MCC: variants seen among roughly 807,000 people sequenced by gnomAD.
MCC encodes MCC regulator of Wnt signaling pathway, also known as colorectal mutant cancer protein.
A neutral mutation model predicts 116.2 loss-of-function variants in MCC; 90 were observed. The ratio of observed to expected loss-of-function variants is 0.77; its 90% CI spans 0.65 to 0.92. The LOEUF (loss-of-function observed/expected upper bound fraction) is 0.92, where lower values mean the gene tolerates loss of function less well. MCC is among the 40% of genes least tolerant of loss of function. The pLI, the probability that MCC is intolerant of heterozygous loss-of-function variation, is 0.00. For missense variants in MCC, 1,516 were observed against 1,312.2 expected (o/e 1.16, Z -2.40); for synonymous variants, 578 against 510.5 (o/e 1.13, Z -1.78).
chr5:113,294,262 G>T, intron 3 of MCC: 1 of 1,608,818 alleles, frequency 6.2e-7, no homozygotes, highest in South Asian at 1.1e-5. Flanking sequence ...GGAGGTCGAG[G>T]GGAGGGGGAT....
chr5:113,294,657 G>A (rs1766652526), intron 3 of MCC: 1 of 1,083,542 alleles, frequency 9.2e-7, no homozygotes, highest in Non-Finnish European at 1.1e-6. Context: ...CCCGCGCGGG[G>A]ACCCTCCCGC....
chr5:113,194,849 T>C (rs972176555), intron 3 of MCC, among the ~76,000 whole-genome samples: 3 of 152,112 alleles, frequency 2.0e-5, no homozygotes, highest in African/African-American at 7.2e-5. Context: ...AATCTAGATG[T>C]AGTGTACAAA....
intron 5 of MCC, among the ~76,000 whole-genome samples, chr5:113,130,468 G>C (rs966604951): frequency 2.0e-5 from 3 of 151,944 alleles, no homozygotes; most frequent in African/African-American, 7.3e-5. Context: ...CCAGAACTTA[G>C]GTATAATTAA....
intron 1 of MCC, among the ~76,000 whole-genome samples, chr5:113,416,325 A>G (rs1269245167): frequency 1.3e-5 from 2 of 152,210 alleles, no homozygotes; most frequent in Non-Finnish European, 2.9e-5. Flanking sequence ...AGACTGAAAC[A>G]GGAGGATTGC....
chr5:113,252,812 C>A (rs180671163), intron 3 of MCC, among the ~76,000 whole-genome samples: 5 of 152,270 alleles, frequency 3.3e-5, no homozygotes, highest in Non-Finnish European at 7.4e-5. Context: ...CCACCTCACT[C>A]CAAACCTAGT....
At chr5:113,175,462 T>A (rs1478085461) in intron 3 of MCC, among the ~76,000 whole-genome samples, 1 of 152,196 alleles carries the variant, frequency 6.6e-6, no homozygotes, top group Non-Finnish European at 1.5e-5. Context: ...AAGACTAAGT[T>A]AATTTAGCTA....
intron 1 of MCC, among the ~76,000 whole-genome samples, chr5:113,460,007 C>T (rs1771702258): frequency 6.6e-6 from 1 of 152,064 alleles, no homozygotes; most frequent in Non-Finnish European, 1.5e-5. Flanking sequence ...TCAGTGAAAG[C>T]TGAGAAAAAG....
chr5:113,360,568 T>C (rs1051329151), intron 2 of MCC, among the ~76,000 whole-genome samples: 8 of 152,204 alleles, frequency 5.3e-5, no homozygotes, highest in Non-Finnish European at 1.2e-4. Context: ...GAATTTTCTT[T>C]GTGGAAAGAT....
At chr5:113,250,658 T>C (rs897262691) in intron 3 of MCC, among the ~76,000 whole-genome samples, 2 of 152,200 alleles carry the variant, frequency 1.3e-5, no homozygotes, top group Non-Finnish European at 2.9e-5. Flanking sequence ...GAGGAGTGCA[T>C]GGAACTGTTT....
At chr5:113,148,032 G>A (rs1373923798) in intron 4 of MCC, among the ~76,000 whole-genome samples, 1 of 152,194 alleles carries the variant, frequency 6.6e-6, no homozygotes, top group South Asian at 2.1e-4. Flanking sequence ...GGGTTCATAA[G>A]CTTGTTTGAC....
intron 1 of MCC, among the ~76,000 whole-genome samples, chr5:113,419,498 T>C (rs928586899): frequency 6.6e-5 from 10 of 151,932 alleles, no homozygotes; most frequent in African/African-American, 1.9e-4. Flanking sequence ...TACCCCGTTG[T>C]GATAGGAACA....
intron 17 of MCC, among the ~76,000 whole-genome samples, chr5:113,033,339 G>A (rs899879376): frequency 1.3e-5 from 2 of 152,194 alleles, no homozygotes; most frequent in Admixed American, 6.5e-5. Context: ...TCCTGGAACT[G>A]ACTTTCTGAA....
chr5:113,372,832 T>C (rs13359330), intron 2 of MCC, among the ~76,000 whole-genome samples: 67,309 of 151,874 alleles, frequency 0.44, 16,364 homozygotes, highest in African/African-American at 0.64. Flanking sequence ...GATGGGATTA[T>C]AAGCATGAGC....
chr5:113,233,205 T>C (rs538899513), intron 3 of MCC, among the ~76,000 whole-genome samples: 31 of 152,278 alleles, frequency 2.0e-4, no homozygotes, highest in African/African-American at 7.5e-4. Context: ...TGGAACCAAA[T>C]GGAATATTTA....
At chr5:113,225,358 CATTTAGA>C (rs1763694650) in intron 3 of MCC, among the ~76,000 whole-genome samples, 1 of 152,194 alleles carries the variant, frequency 6.6e-6, no homozygotes, top group Non-Finnish European at 1.5e-5. Context: ...ATTCTGCCAC[CATTTAGA>C]ATTGCTCTAC....
rs771532776 is a variant in MCC, at chr5:113,049,192, C to T, written c.2556G>A (p.Val852=). The T allele has an allele frequency of 2.5e-6, 4 of 1,614,084 alleles. No homozygotes were observed. The East Asian group carries it at 8.9e-5, about 36-fold the overall frequency. Residue 852 remains valine, a synonymous_variant, in exon 16 of 19, where the codon GTG becomes GTA. Transcript: ENST00000408903. The stretch of plus-strand genomic sequence containing the variant: ...CCTCGGACTTCAGGTGCTCAATGTG[C>T]ACCAGGTAGGCCTGCTCCTGGGCCT... ...TREAQEQAYL[V]HIEHLKSEVE...
chr5:113,029,381 T>C (rs1377331294), intron 17 of MCC, among the ~76,000 whole-genome samples: 1 of 150,390 alleles, frequency 6.6e-6, no homozygotes, highest in Non-Finnish European at 1.5e-5. Flanking sequence ...TCCTCAGCAA[T>C]GAGTGCGGCC....
At chr5:113,214,422 G>A (rs1462190667) in intron 3 of MCC, among the ~76,000 whole-genome samples, 4 of 152,090 alleles carry the variant, frequency 2.6e-5, no homozygotes, top group Non-Finnish European at 4.4e-5. Flanking sequence ...TCCTATACTG[G>A]GTGCCATGGA....
intron 11 of MCC, among the ~76,000 whole-genome samples, chr5:113,076,841 A>C (rs934051175): frequency 6.6e-6 from 1 of 152,238 alleles, no homozygotes; most frequent in African/African-American, 2.4e-5. Flanking sequence ...TAAATGTTTC[A>C]ATTAAAAGAC....
Sources: allele counts gnomAD v4.1 joint callset (sites outside exome capture counted in the v4.1 genomes callset), GRCh38; gene constraint gnomAD v4.1.1; transcripts MANE v1.5; gene names NCBI Gene and HGNC (gene_info 2026-07-23, HGNC 2026-07-21).